The following LRRC49 variants were observed in gnomAD, a reference collection of about 807,000 sequenced individuals.
The protein encoded by LRRC49 is leucine rich repeat containing 49.
LRRC49 carries 50 observed loss-of-function variants against 83.3 expected under a neutral mutation model. That is an observed-to-expected ratio of 0.60 (90% CI 0.48 to 0.76). The LOEUF (loss-of-function observed/expected upper bound fraction) is 0.76. LRRC49 is among the 30% of genes least tolerant of loss of function. LRRC49 has a pLI of 0.00. For synonymous variants in LRRC49, 286 were observed against 283.3 expected (o/e 1.01, Z -0.10); for missense variants, 704 against 809.1 (o/e 0.87, Z 1.58).
rs2039176476 is a variant in LRRC49, at chr15:71,026,481, G to A, written c.1704-10698G>A. Reference sequence around the variant, plus strand: ...GGTATTTCTGGTTCTAGATCCTTGAGGAATCACCACACAGTCTTCCACGAT... The same window carrying A: ...GGTATTTCTGGTTCTAGATCCTTGAAGAATCACCACACAGTCTTCCACGAT... On this transcript the variant is annotated intron_variant, in intron 14 of 15. Transcript: ENST00000260382. Among the ~76,000 whole-genome samples the A allele has an allele frequency of 2.0e-5, 3 of 152,122 alleles. No individual in the cohort carries two copies. The South Asian group carries it at 6.2e-4, about 31-fold the overall frequency.
chr15:70,910,402 A>G (rs777874078), intron 5 of LRRC49, among the ~76,000 whole-genome samples: 6 of 152,138 alleles, frequency 3.9e-5, no homozygotes, highest in Non-Finnish European at 7.4e-5. Context: ...TACACACTAT[A>G]TATAGATAAC....
At chr15:70,900,768 G>A (rs1314083200) in intron 3 of LRRC49, among the ~76,000 whole-genome samples, 154 bp from the exon 4 acceptor site, 2 of 152,248 alleles carry the variant, frequency 1.3e-5, no homozygotes, top group Middle Eastern at 3.4e-3. Flanking sequence ...AACAAATTCA[G>A]CTTAGTAATT....
chr15:70,864,317 C>T (rs2032864411), intron 1 of LRRC49, among the ~76,000 whole-genome samples: 1 of 152,096 alleles, frequency 6.6e-6, no homozygotes, highest in African/African-American at 2.4e-5. Context: ...AGGATGACTT[C>T]TAATTTGTAG....
intron 8 of LRRC49, among the ~76,000 whole-genome samples, chr15:70,953,053 A>G (rs2036276387): frequency 6.6e-6 from 1 of 152,146 alleles, no homozygotes; most frequent in Non-Finnish European, 1.5e-5. Context: ...CTTGAAGACC[A>G]TAGTCAGTTG....
intron 1 of LRRC49, among the ~76,000 whole-genome samples, chr15:70,872,385 G>GA (rs1425885660): frequency 6.7e-6 from 1 of 149,916 alleles, no homozygotes; most frequent in African/African-American, 2.4e-5. Flanking sequence ...GGAGACCGCG[G>GA]AAAGTGGGAG....
intron 9 of LRRC49, among the ~76,000 whole-genome samples, chr15:70,965,438 G>A (rs997469638): frequency 3.2e-4 from 48 of 152,020 alleles, no homozygotes; most frequent in Middle Eastern, 3.4e-3. Context: ...ATTATACATT[G>A]CATTATAGCT....
chr15:70,973,276 T>C (rs1296169263), intron 9 of LRRC49, among the ~76,000 whole-genome samples: 3 of 152,178 alleles, frequency 2.0e-5, no homozygotes, highest in Non-Finnish European at 4.4e-5. Flanking sequence ...GGGGGTCCAC[T>C]CCACACCCTG....
intron 2 of LRRC49, among the ~76,000 whole-genome samples, chr15:70,887,118 T>C (rs923534587): frequency 2.6e-5 from 4 of 152,114 alleles, no homozygotes; most frequent in Non-Finnish European, 2.9e-5. Flanking sequence ...AACAAAGAAA[T>C]TGAATCCATC....
At chr15:71,028,722 T>G (rs1324051937) in intron 14 of LRRC49, among the ~76,000 whole-genome samples, 1 of 152,190 alleles carries the variant, frequency 6.6e-6, no homozygotes, top group African/African-American at 2.4e-5. Flanking sequence ...GTTTTCTAGT[T>G]TATTGGCATA....
chr15:70,880,538 A>G (rs1366797182), intron 2 of LRRC49, among the ~76,000 whole-genome samples: 2 of 152,266 alleles, frequency 1.3e-5, no homozygotes, highest in African/African-American at 4.8e-5. Flanking sequence ...TAAATTAAAA[A>G]TATTTGTGCA....
intron 7 of LRRC49, among the ~76,000 whole-genome samples, chr15:70,927,438 C>G (rs1410518797): frequency 6.6e-6 from 1 of 151,920 alleles, no homozygotes; most frequent in East Asian, 1.9e-4. Context: ...CCTTTTTACT[C>G]TCTTAACAGT....
At chr15:70,986,261 CA>C (rs1170715466) in intron 11 of LRRC49, among the ~76,000 whole-genome samples, 3 of 152,132 alleles carry the variant, frequency 2.0e-5, no homozygotes, top group African/African-American at 7.2e-5. Context: ...TCTTCCTACC[CA>C]TGAGCATGGA....
intron 7 of LRRC49, among the ~76,000 whole-genome samples, chr15:70,924,656 T>C (rs1476951544): frequency 1.3e-5 from 2 of 152,008 alleles, no homozygotes; most frequent in African/African-American, 2.4e-5. Flanking sequence ...TCAGTGCTTA[T>C]TTGGATTTGC....
At chr15:70,975,339 G>T (rs1244875563) in intron 9 of LRRC49, among the ~76,000 whole-genome samples, 5 of 152,146 alleles carry the variant, frequency 3.3e-5, no homozygotes, top group African/African-American at 7.2e-5. Flanking sequence ...ATTCTGGGAG[G>T]CAGAATTTTC....
chr15:70,891,951 G>C (rs772758718), upstream of LRRC49: 1 of 1,613,588 alleles, frequency 6.2e-7, no homozygotes, highest in Admixed American at 1.7e-5. Flanking sequence ...GTGTCCAGGC[G>C]GCCTGCTTGG....
At chr15:70,962,110 C>T (rs1266964798) in intron 8 of LRRC49, among the ~76,000 whole-genome samples, 1 of 152,074 alleles carries the variant, frequency 6.6e-6, no homozygotes, top group Admixed American at 6.5e-5. Flanking sequence ...ATTGGGGGTA[C>T]ACATTAAACA....
intron 2 of LRRC49, among the ~76,000 whole-genome samples, chr15:70,894,095 C>T (rs1353533375): frequency 6.6e-6 from 1 of 152,140 alleles, no homozygotes; most frequent in Non-Finnish European, 1.5e-5. Flanking sequence ...CAGGTTTCAC[C>T]ATGTTGCCCA....
At chr15:70,992,495 G>A (rs1401500157) in intron 11 of LRRC49, among the ~76,000 whole-genome samples, 2 of 152,166 alleles carry the variant, frequency 1.3e-5, no homozygotes, top group East Asian at 1.9e-4. Flanking sequence ...TGGTGTGGAT[G>A]TCCTTTCCGT....
chr15:71,032,634 C>T (rs2054675601), intron 14 of LRRC49, among the ~76,000 whole-genome samples: 1 of 152,156 alleles, frequency 6.6e-6, no homozygotes, highest in Non-Finnish European at 1.5e-5. Context: ...CAAACCAAAT[C>T]AAGCATCACA....
Sources: allele counts gnomAD v4.1 joint callset (sites outside exome capture counted in the v4.1 genomes callset), GRCh38; gene constraint gnomAD v4.1.1; transcripts MANE v1.5; gene names NCBI Gene and HGNC (gene_info 2026-07-23, HGNC 2026-07-21).